ARID1A: variants seen among roughly 807,000 people sequenced by gnomAD.
ARID1A encodes the protein AT-rich interaction domain 1A.
A neutral mutation model predicts 212.6 loss-of-function variants in ARID1A; 20 were observed. The observed-to-expected ratio is 0.09, with a 90% CI of 0.07 to 0.14. The LOEUF (loss-of-function observed/expected upper bound fraction) is 0.14, where lower values mean the gene tolerates loss of function less well. ARID1A is among the 10% of genes least tolerant of loss of function. The pLI, the probability that ARID1A is intolerant of heterozygous loss-of-function variation, is 1.00. For synonymous variants in ARID1A, 1,376 were observed against 1,222.1 expected, an observed-to-expected ratio of 1.13 and a Z score of -2.63; for missense variants, 2,587 against 3,059.0, an observed-to-expected ratio of 0.85 and a Z score of 3.64.
chr1:26,753,266 T>C (rs2080900164), intron 4 of ARID1A: 1 of 152,242 alleles, frequency 6.6e-6, no homozygotes. Context: ...ATTTCAGGCA[T>C]GGTTTTGTTG....
rs758295438 is a variant in ARID1A at position 26,697,144 on chromosome 1, C to T, written c.741C>T (p.Ala247=). 6.9e-7 allele frequency: 1 copy of T among 1,439,118 alleles called. No individual in the cohort carries two copies. Among genetic ancestry groups the T allele is most frequent in the South Asian group, 1.5e-5 (1 of 67,924 alleles). 89.1% of individuals were successfully genotyped at this position (1,439,118 alleles called of 1,614,324 possible). A position where few individuals can be genotyped will look rare whatever the true frequency, so the allele number is the denominator to read the frequency against. Residue 247 remains alanine, a synonymous_variant, in exon 1 of 20, where the codon GCC becomes GCT. Coordinates refer to ENST00000324856, the MANE Select transcript of ARID1A (RefSeq NM_006015.6). The part of the protein sequence containing the change: ...GTPGSGAAAA[A]GSKPPPSSSA... The stretch of plus-strand genomic sequence containing the variant: ...CGGGCTCCGGCGCGGCGGCGGCTGC[C>T]GGCTCCAAGCCGCCTCCCTCCTCCA...
Position 26,773,660 on chromosome 1 carries a change from C to T in ARID1A, c.3947C>T (p.Ser1316Leu), listed in dbSNP as rs749727660. Residue 1316 changes from serine (S) to leucine (L), a missense_variant, in exon 16 of 20, where the codon TCG becomes TTG. Transcript: ENST00000324856. ...AATCTCATGCCTTCCAACCCAGACTCGGGGATGTATTCTCCTAGCCGCTAC... is the reference window on the plus strand; with the variant it reads ...AATCTCATGCCTTCCAACCCAGACTTGGGGATGTATTCTCCTAGCCGCTAC... ...QPNLMPSNPD[S>L]GMYSPSRYPP... 3 of 1,614,140 alleles carry T rather than the reference C, an allele frequency of 1.9e-6. No homozygotes were observed. The highest frequency in any genetic ancestry group is 2.2e-5 in the East Asian group (1 of 44,878).
At chr1:26,757,671 T>C (rs1327203444) in intron 4 of ARID1A, among the ~76,000 whole-genome samples, 2 of 146,274 alleles carry the variant, frequency 1.4e-5, no homozygotes, top group African/African-American at 2.5e-5. Context: ...TAATCAAAAC[T>C]TTTTTTTTTT....
At chr1:26,697,754 G>C (rs530494995) in intron 1 of ARID1A, among the ~76,000 whole-genome samples, 40 of 150,712 alleles carry the variant, frequency 2.7e-4, no homozygotes, top group African/African-American at 9.5e-4. Context: ...TTCCAGAGGT[G>C]TCTGCTCCTC....
chr1:26,769,655 G>C (rs1413046208), intron 11 of ARID1A: 1 of 152,226 alleles, frequency 6.6e-6, no homozygotes, highest in Non-Finnish European at 1.5e-5. Context: ...TAGTATCATA[G>C]GTATCATATC....
chr1:26,697,359 G>T lies in ARID1A; in HGVS notation c.956G>T (p.Gly319Val). ...QGYPGGDYSG[G>V]PQDGGAGKGP... Reference sequence around the variant, plus strand: ...TACCCCGGGGGCGACTACAGTGGCGGGCCCCAGGACGGGGGCGCCGGCAAG... The same window carrying T: ...TACCCCGGGGGCGACTACAGTGGCGTGCCCCAGGACGGGGGCGCCGGCAAG... Residue 319 changes from glycine (G) to valine (V), a missense_variant, in exon 1 of 20, where the codon GGG (glycine) becomes GTG (valine). Physicochemically the swap from Gly to Val is moderately radical, Grantham distance 109 (BLOSUM62 -3). Transcript: ENST00000324856. 7.6e-7 allele frequency: 1 copy of T among 1,321,122 alleles called. No homozygotes were observed. Among genetic ancestry groups the T allele is most frequent in the South Asian group, 2.2e-5 (1 of 46,084 alleles). 81.8% of individuals were successfully genotyped at this position (1,321,122 alleles called of 1,614,324 possible). A position where few individuals can be genotyped will look rare whatever the true frequency, so the allele number is the denominator to read the frequency against.
chr1:26,728,998 ATT>A (rs2080646841), intron 1 of ARID1A: 2 of 152,022 alleles, frequency 1.3e-5, no homozygotes, highest in Admixed American at 6.6e-5. Context: ...ACAGCCTACC[ATT>A]GAATCTTCTT....
At chr1:26,757,401 C>T (rs1202607927) in intron 4 of ARID1A, among the ~76,000 whole-genome samples, 3 of 143,446 alleles carry the variant, frequency 2.1e-5, no homozygotes, top group Admixed American at 7.2e-5. Context: ...ACCCAGGAGG[C>T]GGAAGTCACA....
Position 26,697,044 on chromosome 1 carries a change from C to T in ARID1A, c.641C>T (p.Ser214Phe), listed in dbSNP as rs751833539. 13 of 1,536,570 alleles carry T rather than the reference C, an allele frequency of 8.5e-6. No individual in the cohort carries two copies. Among genetic ancestry groups the T allele is most frequent in the African/African-American group, 4.3e-5 (3 of 69,660 alleles). Residue 214 changes from serine to phenylalanine, a missense_variant, in exon 1 of 20, where the codon TCC becomes TTC. By Grantham distance (155) the Ser-to-Phe change is radical. Transcript: ENST00000324856. ...GGCTTCCCCAACCACCAGTACAACT[C>T]CTACTACCCCAACCGCAGCGCCTAC... is the stretch of plus-strand genomic sequence containing the variant. ...DHGFPNHQYN[S>F]YYPNRSAYPP...
chr1:26,734,776 C>T (rs2080713418), intron 4 of ARID1A, among the ~76,000 whole-genome samples: 1 of 152,230 alleles, frequency 6.6e-6, no homozygotes, highest in Non-Finnish European at 1.5e-5. Flanking sequence ...CAAGAGCCCT[C>T]TCCTTTCTTA....
At chr1:26,719,199 T>C (rs942838156) in intron 1 of ARID1A, among the ~76,000 whole-genome samples, 1 of 152,236 alleles carries the variant, frequency 6.6e-6, no homozygotes. Context: ...TATCTCTGCC[T>C]ACCTGAAATT....
chr1:26,735,001 G>A (rs866874652), intron 4 of ARID1A, among the ~76,000 whole-genome samples: 1 of 152,124 alleles, frequency 6.6e-6, no homozygotes, highest in Non-Finnish European at 1.5e-5. Flanking sequence ...AAATTTTGAG[G>A]AGTCTGTGCT....
rs2124136280 is a variant in ARID1A at position 26,779,014 on chromosome 1, T to C, written c.5125-9T>C. 1 of 1,499,082 alleles carries C rather than the reference T, an allele frequency of 6.7e-7. No individual in the cohort carries two copies. Among genetic ancestry groups the C allele is most frequent in the Non-Finnish European group, 8.9e-7 (1 of 1,123,780 alleles). The allele number at this position is 1,499,082 out of a possible 1,614,324, so 92.9% of individuals were successfully genotyped here. On this transcript the variant is annotated splice_polypyrimidine_tract_variant and intron_variant, in intron 19 of 19. Coordinates refer to ENST00000324856, the MANE Select transcript of ARID1A (RefSeq NM_006015.6). The stretch of plus-strand genomic sequence containing the variant: ...CCCTTAATTTATTTCCTGTTCTTTC[T>C]CTTTTTAGCTCCCAGGGTTGCTAGA...
At position 26,779,988 on chromosome 1, in the gene ARID1A, T is replaced by G. The variant is rs749291751; in HGVS notation, c.6090T>G (p.Thr2030=). Residue 2030 remains threonine, a synonymous_variant, in exon 20 of 20, where the codon ACT becomes ACG. Coordinates refer to ENST00000324856, the MANE Select transcript of ARID1A (RefSeq NM_006015.6). ...CAGAACGGAAGCAGGCACCACTAAC[T>G]TATGAAAAGGAGGAGGAACAGGACC... The part of the protein sequence containing the change: ...KHPERKQAPL[T]YEKEEEQDQG... 2.5e-6 allele frequency: 4 copies of G among 1,613,910 alleles called. No homozygotes were observed. The highest frequency in any genetic ancestry group is 2.5e-6 in the Non-Finnish European group (3 of 1,180,000).
At chr1:26,721,431 C>T (rs908323706) in intron 1 of ARID1A, among the ~76,000 whole-genome samples, 1 of 152,084 alleles carries the variant, frequency 6.6e-6, no homozygotes, top group Non-Finnish European at 1.5e-5. Flanking sequence ...AGGCTGGTCT[C>T]GAACTCATGA....
At chr1:26,735,131 T>C (rs938953820) in intron 4 of ARID1A, among the ~76,000 whole-genome samples, 3 of 151,824 alleles carry the variant, frequency 2.0e-5, no homozygotes, top group Non-Finnish European at 4.4e-5. Context: ...TTTTTTTTTT[T>C]TTTTGGGGGG....
At chr1:26,739,409 A>T (rs2080766325) in intron 4 of ARID1A, among the ~76,000 whole-genome samples, 1 of 152,142 alleles carries the variant, frequency 6.6e-6, no homozygotes, top group Middle Eastern at 3.2e-3. Context: ...GGACCTAAGA[A>T]TTTGCATTTC....
At chr1:26,715,214 T>C (rs1009775462) in intron 1 of ARID1A, among the ~76,000 whole-genome samples, 7 of 152,220 alleles carry the variant, frequency 4.6e-5, no homozygotes, top group Non-Finnish European at 1.5e-5. Context: ...TTAGCACTTA[T>C]CTGCAAATTA....
intron 1 of ARID1A, among the ~76,000 whole-genome samples, chr1:26,713,807 T>C (rs2080476396): frequency 6.6e-6 from 1 of 152,256 alleles, no homozygotes; most frequent in South Asian, 2.1e-4. Context: ...TTCCTTCATC[T>C]GTTTTTGGGG....
Sources: allele counts gnomAD v4.1 joint callset (sites outside exome capture counted in the v4.1 genomes callset), GRCh38; gene constraint gnomAD v4.1.1; transcripts MANE v1.5; gene names NCBI Gene and HGNC (gene_info 2026-07-23, HGNC 2026-07-21).